NEGR1: variants seen among roughly 807,000 people sequenced by gnomAD.
The protein encoded by NEGR1 is IgLON family member 4.
A neutral mutation model predicts 40.9 loss-of-function variants in NEGR1; 10 were observed. The ratio of observed to expected loss-of-function variants is 0.24; its 90% confidence interval spans 0.15 to 0.42. The LOEUF (loss-of-function observed/expected upper bound fraction) is 0.42, where lower values mean the gene tolerates loss of function less well. NEGR1 is among the 10% of genes least tolerant of loss of function. The pLI is 1.00. For missense variants in NEGR1, 352 were observed against 438.9 expected (o/e 0.80, Z 1.77); for synonymous variants, 185 against 166.8 (o/e 1.11, Z -0.84).
intron 3 of NEGR1, among the ~76,000 whole-genome samples, chr1:71,757,878 T>C (rs1037420981): frequency 1.8e-4 from 28 of 152,126 alleles, no homozygotes; most frequent in Non-Finnish European, 1.8e-4. Context: ...TCTTTTATTA[T>C]CTGTCCTCAA....
chr1:71,950,771 C>G (rs1646063287), intron 1 of NEGR1, among the ~76,000 whole-genome samples: 1 of 151,926 alleles, frequency 6.6e-6, no homozygotes, highest in South Asian at 2.1e-4. Flanking sequence ...GTAGTCAATA[C>G]TAAACACAGA....
chr1:71,702,260 C>T (rs1354573406), intron 3 of NEGR1, among the ~76,000 whole-genome samples: 1 of 151,920 alleles, frequency 6.6e-6, no homozygotes, highest in African/African-American at 2.4e-5. Flanking sequence ...GATCTCTGAC[C>T]AGTGAATAAG....
intron 1 of NEGR1, among the ~76,000 whole-genome samples, chr1:72,258,901 G>A (rs904155910): frequency 3.9e-5 from 6 of 151,994 alleles, no homozygotes; most frequent in African/African-American, 7.2e-5. Flanking sequence ...GCTACATGAC[G>A]TTGGTCATCT....
Position 72,075,038 on chromosome 1 carries a change from A to G in NEGR1, c.177-139727T>C, listed in dbSNP as rs79586777. Among the ~76,000 whole-genome samples, 1,220 of 152,234 alleles carry G rather than the reference A, an allele frequency of 8.0e-3. 15 individuals are homozygous for G. The highest frequency in any genetic ancestry group is 0.028 in the African/African-American group (1,144 of 41,570). ...GCTTAAAATATTGTAGCTTTTATTA[A>G]TCTTATTCCCAACTGATATGACACT... On this transcript the variant is annotated intron_variant, in intron 1 of 6. Coordinates refer to ENST00000357731, the MANE Select transcript of NEGR1 (RefSeq NM_173808.3).
At chr1:71,862,002 G>A (rs1174199802) in intron 2 of NEGR1, among the ~76,000 whole-genome samples, 1 of 152,062 alleles carries the variant, frequency 6.6e-6, no homozygotes, top group Non-Finnish European at 1.5e-5. Context: ...ATTTCATTAT[G>A]TGTGACAGAA....
intron 1 of NEGR1, among the ~76,000 whole-genome samples, chr1:72,025,968 G>A (rs1454828427): frequency 3.3e-5 from 5 of 150,756 alleles, no homozygotes; most frequent in Admixed American, 2.0e-4. Context: ...AAAATTAGCC[G>A]GGCGTAGTGG....
chr1:71,942,452 A>AATATATATATATAT (rs1409165579), intron 1 of NEGR1, among the ~76,000 whole-genome samples: 146 of 34,244 alleles, frequency 4.3e-3, no homozygotes, highest in South Asian at 0.026. Context: ...AAATTCTTTA[A>AATATATATATATAT]ATCTATATAT....
At chr1:71,825,081 T>G (rs1658572776) in intron 2 of NEGR1, among the ~76,000 whole-genome samples, 1 of 151,930 alleles carries the variant, frequency 6.6e-6, no homozygotes, top group Non-Finnish European at 1.5e-5. Flanking sequence ...CAAACTATTC[T>G]CCAAAAGGAT....
intron 1 of NEGR1, among the ~76,000 whole-genome samples, chr1:72,244,759 C>T (rs1380768277): frequency 6.6e-6 from 1 of 151,886 alleles, no homozygotes; most frequent in Non-Finnish European, 1.5e-5. Context: ...TTCTATATGT[C>T]TTTCTATTTA....
chr1:71,728,034 G>C (rs1051214879), intron 3 of NEGR1, among the ~76,000 whole-genome samples: 4 of 152,068 alleles, frequency 2.6e-5, no homozygotes, highest in Non-Finnish European at 4.4e-5. Flanking sequence ...CATTCAATAC[G>C]GGACAGGTAT....
intron 1 of NEGR1, among the ~76,000 whole-genome samples, chr1:71,962,336 G>T (rs955207501): frequency 1.3e-5 from 2 of 152,008 alleles, no homozygotes; most frequent in African/African-American, 2.4e-5. Context: ...CATAATTATT[G>T]TGAGAAAAAT....
At chr1:71,922,428 G>A (rs1177399247) in intron 2 of NEGR1, among the ~76,000 whole-genome samples, 1 of 152,156 alleles carries the variant, frequency 6.6e-6, no homozygotes, top group Non-Finnish European at 1.5e-5. Context: ...AGGCAAAAAT[G>A]AGTGCATAAT....
chr1:71,775,208 T>A (rs1330210659), intron 3 of NEGR1, among the ~76,000 whole-genome samples: 1 of 152,206 alleles, frequency 6.6e-6, no homozygotes, highest in African/African-American at 2.4e-5. Flanking sequence ...AATGAAGACA[T>A]TTCTCTTGTG....
chr1:71,405,616 T>C lies in NEGR1; in HGVS notation c.*1830A>G, dbSNP rs931495766. 3.3e-5 allele frequency: 5 copies of C among 151,958 alleles called. No homozygotes were observed. The highest frequency in any genetic ancestry group is 1.5e-5 in the Non-Finnish European group (1 of 67,752). The allele number at this position is 151,958 out of a possible 1,614,324, so 9.4% of individuals were successfully genotyped here. On this transcript the variant is annotated 3_prime_UTR_variant, in exon 7 of 7. Coordinates refer to ENST00000357731, the MANE Select transcript of NEGR1 (RefSeq NM_173808.3). ...CCATTTTGTGGAAAGAGTATACTTATGTCCCCTCATTTAAGATTCATTTTT... is the reference window on the plus strand; with the variant it reads ...CCATTTTGTGGAAAGAGTATACTTACGTCCCCTCATTTAAGATTCATTTTT...
intron 2 of NEGR1, among the ~76,000 whole-genome samples, chr1:71,853,050 G>A (rs1180052731): frequency 6.6e-6 from 1 of 152,052 alleles, no homozygotes; most frequent in Non-Finnish European, 1.5e-5. Context: ...GAAAATCCAT[G>A]TTGACCCTCA....
chr1:72,088,694 G>A (rs551606757), intron 1 of NEGR1, among the ~76,000 whole-genome samples: 1 of 150,344 alleles, frequency 6.7e-6, no homozygotes, highest in East Asian at 2.0e-4. Flanking sequence ...TTTATATACA[G>A]TTTTAAAGAC....
intron 2 of NEGR1, among the ~76,000 whole-genome samples, chr1:71,910,880 T>A (rs1431449015): frequency 1.3e-5 from 2 of 152,032 alleles, no homozygotes; most frequent in Non-Finnish European, 2.9e-5. Context: ...TTATTTTTTG[T>A]AGAGGGTAGG....
chr1:71,579,375 A>G, intron 6 of NEGR1, among the ~76,000 whole-genome samples: 1 of 152,154 alleles, frequency 6.6e-6, no homozygotes. Flanking sequence ...TTTTAGCTCA[A>G]CTTTGTATTC....
chr1:71,542,792 A>G (rs114382231), intron 6 of NEGR1, among the ~76,000 whole-genome samples: 83 of 151,868 alleles, frequency 5.5e-4, no homozygotes, highest in African/African-American at 1.9e-3. Flanking sequence ...TTTGCTCCTC[A>G]TAACTCCATG....
Sources: allele counts gnomAD v4.1 joint callset (sites outside exome capture counted in the v4.1 genomes callset), GRCh38; gene constraint gnomAD v4.1.1; transcripts MANE v1.5; gene names NCBI Gene and HGNC (gene_info 2026-07-23, HGNC 2026-07-21).